ST6GALNAC5: variants seen among roughly 807,000 people sequenced by gnomAD.
The protein encoded by ST6GALNAC5 is ST6 N-acetylgalactosaminide alpha-2,6-sialyltransferase 5.
ST6GALNAC5 carries 27 observed loss-of-function variants against 33.6 expected under a neutral mutation model. The observed-to-expected ratio is 0.80, with a 90% CI of 0.59 to 1.11. The LOEUF is 1.11. Ranked by LOEUF, ST6GALNAC5 falls within the 50% of genes least tolerant of loss-of-function variation. The pLI is 0.00. For missense variants in ST6GALNAC5, 428 were observed against 454.0 expected (o/e 0.94, Z 0.52); for synonymous variants, 194 against 171.2 (o/e 1.13, Z -1.04).
chr1:76,992,747 G>A (rs1272121522), intron 2 of ST6GALNAC5, among the ~76,000 whole-genome samples: 5 of 152,022 alleles, frequency 3.3e-5, no homozygotes, highest in Non-Finnish European at 4.4e-5. Flanking sequence ...TGCCCACCTC[G>A]GCCTTCCAAA....
At chr1:77,026,154 G>C (rs1305376892) in intron 2 of ST6GALNAC5, among the ~76,000 whole-genome samples, 1 of 152,100 alleles carries the variant, frequency 6.6e-6, no homozygotes, top group African/African-American at 2.4e-5. Flanking sequence ...TTATTTTAAA[G>C]GTCATGCATG....
intron 2 of ST6GALNAC5, among the ~76,000 whole-genome samples, chr1:76,992,284 A>G (rs947530694): frequency 6.6e-6 from 1 of 152,032 alleles, no homozygotes; most frequent in Non-Finnish European, 1.5e-5. Flanking sequence ...GCTTCATCTG[A>G]TTTTAGTCAA....
chr1:76,936,953 G>GGCGTGTGTGTGTGT (rs138095164), intron 2 of ST6GALNAC5, among the ~76,000 whole-genome samples: 6,045 of 139,902 alleles, frequency 0.043, 408 homozygotes, highest in Non-Finnish European at 0.05. Flanking sequence ...AGAGAAGCAG[G>GGCGTGTGTGTGTGT]GTGTGTGTGT....
intron 2 of ST6GALNAC5, among the ~76,000 whole-genome samples, chr1:76,916,163 G>A (rs1183255856): frequency 3.3e-5 from 5 of 152,124 alleles, no homozygotes; most frequent in South Asian, 2.1e-4. Context: ...CCTGTACCTC[G>A]GTTCTCTTAA....
At chr1:77,048,330 G>A (rs1470077658) in intron 3 of ST6GALNAC5, among the ~76,000 whole-genome samples, 1 of 152,196 alleles carries the variant, frequency 6.6e-6, no homozygotes, top group Non-Finnish European at 1.5e-5. Flanking sequence ...GAAGCTGTAA[G>A]TGAGCTGTCA....
intron 2 of ST6GALNAC5, among the ~76,000 whole-genome samples, chr1:76,961,886 T>A (rs1191165790): frequency 2.0e-5 from 3 of 152,188 alleles, no homozygotes; most frequent in Admixed American, 6.5e-5. Context: ...AGGCTACAAT[T>A]TCCATGAATG....
intron 2 of ST6GALNAC5, among the ~76,000 whole-genome samples, chr1:76,967,898 G>A (rs538339588): frequency 6.6e-6 from 1 of 152,230 alleles, no homozygotes; most frequent in Non-Finnish European, 1.5e-5. Context: ...GGTTTTGAGT[G>A]AATTTCTTAA....
intron 2 of ST6GALNAC5, among the ~76,000 whole-genome samples, chr1:76,950,788 C>T (rs530165307): frequency 1.3e-5 from 2 of 151,956 alleles, no homozygotes; most frequent in Admixed American, 1.3e-4. Flanking sequence ...GAATGAAAAG[C>T]CAGAATGGGC....
At chr1:76,980,384 C>A (rs1388416770) in intron 2 of ST6GALNAC5, among the ~76,000 whole-genome samples, 1 of 152,120 alleles carries the variant, frequency 6.6e-6, no homozygotes, top group Non-Finnish European at 1.5e-5. Flanking sequence ...GTTTCTACTT[C>A]TTAAAATTTG....
intron 2 of ST6GALNAC5, among the ~76,000 whole-genome samples, chr1:76,877,280 C>T (rs987061177): frequency 6.6e-6 from 1 of 152,176 alleles, no homozygotes; most frequent in Non-Finnish European, 1.5e-5. Context: ...CCACTGACAC[C>T]TCAAGCACCA....
In ST6GALNAC5 at chr1:77,027,909, G is replaced by T. The variant is rs142260264; in HGVS notation, c.262-16295G>T. The stretch of plus-strand genomic sequence containing the variant: ...GTGCTTTAGAGAGACATGTCCTCTT[G>T]TGTTTGACAAAACACTGATTTGCAG... On this transcript the variant is annotated intron_variant, in intron 2 of 4. Transcript: ENST00000477717. Among the ~76,000 whole-genome samples, 655 of 152,276 alleles carry T rather than the reference G, an allele frequency of 4.3e-3. 2 individuals carry two copies. Among genetic ancestry groups the T allele is most frequent in the African/African-American group, 0.015 (628 of 41,558 alleles).
intron 2 of ST6GALNAC5, among the ~76,000 whole-genome samples, chr1:77,030,696 G>T (rs564413734): frequency 3.0e-4 from 45 of 152,272 alleles, no homozygotes; most frequent in Middle Eastern, 3.4e-3. Context: ...CTCAAGAAAG[G>T]TCTAATATAA....
chr1:76,969,366 G>A (rs113252564), intron 2 of ST6GALNAC5, among the ~76,000 whole-genome samples: 2,409 of 152,324 alleles, frequency 0.016, 35 homozygotes, highest in Middle Eastern at 0.034. Context: ...CGGCACACCA[G>A]GAGATTATAT....
At chr1:77,028,722 A>C (rs570761684) in intron 2 of ST6GALNAC5, among the ~76,000 whole-genome samples, 1 of 152,194 alleles carries the variant, frequency 6.6e-6, no homozygotes, top group Non-Finnish European at 1.5e-5. Flanking sequence ...AGCTTATTGA[A>C]CCCTCACAGC....
At chr1:76,980,844 G>A (rs1649220902) in intron 2 of ST6GALNAC5, among the ~76,000 whole-genome samples, 1 of 151,888 alleles carries the variant, frequency 6.6e-6, no homozygotes, top group African/African-American at 2.4e-5. Flanking sequence ...AAAAACACAA[G>A]CAACATAAGA....
chr1:76,985,955 T>G (rs527687204), intron 2 of ST6GALNAC5, among the ~76,000 whole-genome samples: 2 of 152,224 alleles, frequency 1.3e-5, no homozygotes, highest in Admixed American at 6.5e-5. Context: ...GCTAGCCATA[T>G]GTAGAAAGCT....
intron 2 of ST6GALNAC5, among the ~76,000 whole-genome samples, chr1:76,944,104 A>G (rs777086187): frequency 3.9e-5 from 6 of 152,082 alleles, no homozygotes; most frequent in South Asian, 2.1e-4. Context: ...AGGTTGCCCA[A>G]TGCAATAGTT....
chr1:76,983,873 A>G (rs1008505097), intron 2 of ST6GALNAC5, among the ~76,000 whole-genome samples: 35 of 152,254 alleles, frequency 2.3e-4, no homozygotes, highest in African/African-American at 7.7e-4. Context: ...AAAACCACAC[A>G]ACTACATGGA....
rs112362125 is a variant in ST6GALNAC5 at position 76,872,808 on chromosome 1, C to G, written c.261+4066C>G. On this transcript the variant is annotated intron_variant, in intron 2 of 4. Coordinates refer to ENST00000477717, the MANE Select transcript of ST6GALNAC5 (RefSeq NM_030965.3). The stretch of plus-strand genomic sequence containing the variant: ...ATTCAAAGTGAGCTAATTTTCAATG[C>G]TCAGGTATTATAAGATGTAATCTGC... 1.6e-4 allele frequency among the ~76,000 whole-genome samples: 25 copies of G among 152,240 alleles called. 5 individuals are homozygous for G. The highest frequency in any genetic ancestry group is 6.0e-4 in the African/African-American group (25 of 41,540).
Sources: allele counts gnomAD v4.1 joint callset (sites outside exome capture counted in the v4.1 genomes callset), GRCh38; gene constraint gnomAD v4.1.1; transcripts MANE v1.5; gene names NCBI Gene and HGNC (gene_info 2026-07-23, HGNC 2026-07-21).